The following SLC14A2 variants were observed in gnomAD, a reference collection of about 807,000 sequenced individuals.
SLC14A2 encodes urea transporter 2.
SLC14A2 carries 91 observed loss-of-function variants against 104.6 expected under a neutral mutation model. The observed-to-expected ratio is 0.87, with a 90% CI of 0.73 to 1.04. The LOEUF (loss-of-function observed/expected upper bound fraction) is 1.04, where lower values mean the gene tolerates loss of function less well. Ranked by LOEUF, SLC14A2 falls within the 50% of genes least tolerant of loss-of-function variation. SLC14A2 has a pLI of 0.00. For missense variants in SLC14A2, 1,189 were observed against 1,156.0 expected, an observed-to-expected ratio of 1.03 and a Z score of -0.41; for synonymous variants, 476 against 466.4, an observed-to-expected ratio of 1.02 and a Z score of -0.27.
chr18:45,368,879 T>A (rs990387303), intron 1 of SLC14A2, among the ~76,000 whole-genome samples: 1 of 152,186 alleles, frequency 6.6e-6, no homozygotes, highest in Non-Finnish European at 1.5e-5. Flanking sequence ...CCAATTAAAT[T>A]GGAATTTTCA....
At chr18:45,383,312 C>T (rs1352229713) in intron 1 of SLC14A2, among the ~76,000 whole-genome samples, 2 of 152,190 alleles carry the variant, frequency 1.3e-5, no homozygotes, top group African/African-American at 4.8e-5. Context: ...CTACTGTATA[C>T]TAAAACAGCT....
intron 1 of SLC14A2, among the ~76,000 whole-genome samples, chr18:45,360,298 G>A (rs2085597627): frequency 6.6e-6 from 1 of 152,190 alleles, no homozygotes; most frequent in African/African-American, 2.4e-5. Flanking sequence ...GATTTTCTGG[G>A]CCTACGACAC....
At chr18:45,436,477 G>A (rs1032823953) in intron 1 of SLC14A2, among the ~76,000 whole-genome samples, 3 of 152,186 alleles carry the variant, frequency 2.0e-5, no homozygotes, top group African/African-American at 7.2e-5. Flanking sequence ...CAGGAACAGA[G>A]ACCAAACCCT....
At position 45,280,650 on chromosome 18, in the gene SLC14A2, A is replaced by G. The variant is rs572970996; in HGVS notation, c.-125+67459A>G. Among the ~76,000 whole-genome samples the G allele has an allele frequency of 4.2e-4, 64 of 152,218 alleles. No individual in the cohort carries two copies. In the Middle Eastern group the frequency reaches 0.01, roughly 24 times the overall value. Reference sequence around the variant, plus strand: ...GGTTGAGCTCTGCTCCCTGACTCTCAGCCCTCCTGGAGGCATTTGTCATTG... The same window carrying G: ...GGTTGAGCTCTGCTCCCTGACTCTCGGCCCTCCTGGAGGCATTTGTCATTG... On this transcript the variant is annotated intron_variant, in intron 1 of 20. Transcript: ENST00000586448.
rs191738854 is a variant in SLC14A2, at chr18:45,555,229, A to G, written c.-34-69402A>G. ...CATACCCTCATAAGGAGTATATCAC[A>G]ATTCCAAGGGGAGGGGAGAAGGGAG... On this transcript the variant is annotated intron_variant, in intron 2 of 20. Coordinates refer to the SLC14A2 transcript ENST00000586448. 9.3e-4 allele frequency among the ~76,000 whole-genome samples: 141 copies of G among 152,352 alleles called. 1 individual carries two copies. The highest frequency in any genetic ancestry group is 5.4e-3 in the Admixed American group (82 of 15,306).
chr18:45,624,048 T>C (rs1485928728), intron 1 of SLC14A2, among the ~76,000 whole-genome samples: 1 of 152,000 alleles, frequency 6.6e-6, no homozygotes, highest in African/African-American at 2.4e-5. Flanking sequence ...AGGAGCCCCA[T>C]GTGGAAGGGA....
chr18:45,314,268 C>T (rs1005477017), intron 1 of SLC14A2, among the ~76,000 whole-genome samples: 2 of 152,076 alleles, frequency 1.3e-5, no homozygotes, highest in South Asian at 2.1e-4. Context: ...CAACCTTGCC[C>T]GTGTCCAAGA....
chr18:45,495,819 C>T (rs2144744120), intron 2 of SLC14A2, among the ~76,000 whole-genome samples: 1 of 152,256 alleles, frequency 6.6e-6, no homozygotes, highest in East Asian at 1.9e-4. Flanking sequence ...CGTAGCAGCC[C>T]AGAGCACAGA....
intron 1 of SLC14A2, among the ~76,000 whole-genome samples, chr18:45,414,757 A>ATATAT (rs1555684043): frequency 5.3e-5 from 4 of 76,106 alleles, no homozygotes; most frequent in African/African-American, 2.3e-4. Flanking sequence ...AAAAAAAAAA[A>ATATAT]ATATATATAT....
intron 2 of SLC14A2, among the ~76,000 whole-genome samples, chr18:45,519,193 T>C (rs2043482662): frequency 6.6e-6 from 1 of 152,324 alleles, no homozygotes; most frequent in African/African-American, 2.4e-5. Flanking sequence ...TCTGCAGAGT[T>C]ATATCCTTAG....
chr18:45,563,101 C>T (rs540733538), intron 2 of SLC14A2, among the ~76,000 whole-genome samples: 40 of 152,224 alleles, frequency 2.6e-4, no homozygotes, highest in Admixed American at 2.2e-3. Flanking sequence ...CCTGACAAGA[C>T]GGTTGGTGGG....
Position 45,236,569 on chromosome 18 carries a change from GTA to G in SLC14A2, c.-125+23385_-125+23386del, listed in dbSNP as rs527596845. On this transcript the variant is annotated intron_variant, in intron 1 of 20. Transcript: ENST00000586448. ...TATGTGTGTATATATGTGTATATAT[GTA>G]TATATACATATATATATGGGAAAAA... is the stretch of plus-strand genomic sequence containing the variant. Among the ~76,000 whole-genome samples, 221 of 127,992 alleles carry G rather than the reference GTA, an allele frequency of 1.7e-3. 35 individuals are homozygous for G. The highest frequency in any genetic ancestry group is 5.2e-3 in the South Asian group (22 of 4,222). 84.0% of individuals were successfully genotyped at this position (127,992 alleles called of 152,430 possible). A position where few individuals can be genotyped will look rare whatever the true frequency, so the allele number is the denominator to read the frequency against.
intron 1 of SLC14A2, among the ~76,000 whole-genome samples, chr18:45,467,917 G>C (rs1488394899): frequency 6.6e-6 from 1 of 152,110 alleles, no homozygotes; most frequent in Non-Finnish European, 1.5e-5. Flanking sequence ...GGGAGAGAGG[G>C]GCTGGTCAGA....
Position 45,632,371 on chromosome 18 carries a change from C to T in SLC14A2, c.543C>T (p.Leu181=), listed in dbSNP as rs1405020157. Residue 181 remains leucine (L), a synonymous_variant, in exon 5 of 20, where the codon CTC becomes CTT. Transcript: ENST00000255226. ...GQDRSAIASG[L]HGYNGMLVGL... is the part of the protein sequence containing the mutation. ...CCAGGTCTGCCATTGCCTCAGGACT[C>T]CATGGGTACAACGGGATGCTGGTGG... The T allele has an allele frequency of 6.2e-7, 1 of 1,613,704 alleles. No individual in the cohort carries two copies. Among genetic ancestry groups the T allele is most frequent in the East Asian group, 2.2e-5 (1 of 44,820 alleles).
intron 4 of SLC14A2, among the ~76,000 whole-genome samples, chr18:45,631,142 G>T (rs2045338880): frequency 6.6e-6 from 1 of 152,206 alleles, no homozygotes; most frequent in African/African-American, 2.4e-5. Flanking sequence ...CACATGGTAA[G>T]GTTTAGCACG....
At chr18:45,308,970 A>G (rs955744562) in intron 1 of SLC14A2, among the ~76,000 whole-genome samples, 10 of 152,186 alleles carry the variant, frequency 6.6e-5, no homozygotes, top group African/African-American at 2.4e-4. Flanking sequence ...ACTCAGACTT[A>G]GGAGGGACCC....
intron 2 of SLC14A2, among the ~76,000 whole-genome samples, chr18:45,598,182 C>T (rs1488599528): frequency 6.6e-6 from 1 of 152,180 alleles, no homozygotes; most frequent in Non-Finnish European, 1.5e-5. Context: ...ATGGAGCCAG[C>T]CAGCCCCGAC....
intron 1 of SLC14A2, among the ~76,000 whole-genome samples, chr18:45,214,594 A>G (rs2083991131): frequency 6.6e-6 from 1 of 152,114 alleles, no homozygotes; most frequent in East Asian, 1.9e-4. Flanking sequence ...CGATAATTTT[A>G]TGTAGCATAA....
the SLC14A2 span, among the ~76,000 whole-genome samples, chr18:45,176,548 A>G: frequency 2.6e-4 from 40 of 152,294 alleles, 1 homozygote; most frequent in African/African-American, 5.1e-4. Flanking sequence ...CACAGATGGA[A>G]ACCCCCAGAA....
Sources: gnomAD v4.1 joint callset for allele counts (sites outside exome capture counted in the v4.1 genomes callset) on GRCh38, gnomAD v4.1.1 for gene constraint, MANE v1.5 for transcripts, NCBI Gene and HGNC (gene_info 2026-07-23, HGNC 2026-07-21) for gene names.